The following TALDO1 variants were observed in gnomAD, a reference collection of about 807,000 sequenced individuals.
The protein encoded by TALDO1 is transaldolase.
In TALDO1, 29 loss-of-function variants were observed where a neutral mutation model predicts 38.1. The observed-to-expected ratio is 0.76, with a 90% CI of 0.57 to 1.04. The LOEUF (loss-of-function observed/expected upper bound fraction) is 1.04, where lower values mean the gene tolerates loss of function less well. Among genes scored for constraint, TALDO1 ranks in the 50% least tolerant of loss-of-function variants. The probability of loss-of-function intolerance (pLI) is 0.00; values close to 1 mark genes in which losing one functional copy is unlikely to be tolerated. For synonymous variants in TALDO1, 207 were observed against 176.8 expected (o/e 1.17, Z -1.36); for missense variants, 499 against 438.1 (o/e 1.14, Z -1.24).
At chr11:764,512 A>G (rs1863014645) in intron 7 of TALDO1, 79 bp downstream of exon 7, 3 of 1,569,590 alleles carry the variant, frequency 1.9e-6, no homozygotes, top group Non-Finnish European at 2.6e-6. Flanking sequence ...CAAGCTGGGC[A>G]GAGTTAAAAC....
chr11:751,726 C>T (rs3932434), intron 1 of TALDO1, among the ~76,000 whole-genome samples: 113,691 of 151,946 alleles, frequency 0.75, 43,174 homozygotes, highest in African/African-American at 0.86. Flanking sequence ...ACCTGGAAGA[C>T]GGAGGTTGCA....
chr11:756,053 G>A (rs779521651), intron 2 of TALDO1, 51 bp downstream of exon 2: 2 of 1,585,300 alleles, frequency 1.3e-6, no homozygotes, highest in East Asian at 2.3e-5. Context: ...TGCTAGTCTA[G>A]TTGGCCTTGC....
chr11:757,756 G>C (rs1031406626), intron 2 of TALDO1, among the ~76,000 whole-genome samples: 4 of 152,228 alleles, frequency 2.6e-5, no homozygotes, highest in African/African-American at 4.8e-5. Context: ...AGTGCCAAAA[G>C]ATAGAGGGAT....
chr11:763,636 G>C (rs536435849), intron 5 of TALDO1, 111 bp from the exon 6 acceptor site: 1 of 1,563,232 alleles, frequency 6.4e-7, no homozygotes, highest in Non-Finnish European at 8.8e-7. Flanking sequence ...AGGTCGGCGC[G>C]GGGCAGGCAG....
chr11:763,649 G>T, intron 5 of TALDO1, 98 bp from the exon 6 acceptor site: 2 of 1,567,702 alleles, frequency 1.3e-6, no homozygotes, highest in Admixed American at 3.3e-5. Flanking sequence ...GCAGGCAGGG[G>T]TGGCGGCTCA....
At chr11:753,126 G>T (rs1434949163) in intron 1 of TALDO1, among the ~76,000 whole-genome samples, 2 of 152,164 alleles carry the variant, frequency 1.3e-5, no homozygotes, top group Non-Finnish European at 2.9e-5. Context: ...GGGCGCAGTG[G>T]CTCACGTCTG....
intron 1 of TALDO1, among the ~76,000 whole-genome samples, chr11:750,966 T>A (rs1862740814): frequency 6.6e-6 from 1 of 152,202 alleles, no homozygotes; most frequent in African/African-American, 2.4e-5. Context: ...CTCGTTGGCT[T>A]CTTTGAATTC....
intron 1 of TALDO1, among the ~76,000 whole-genome samples, chr11:755,161 T>TGGG (rs1862811982): frequency 8.9e-6 from 1 of 112,070 alleles, no homozygotes. Context: ...TTTTTTTTTT[T>TGGG]TGAGATGGAG....
At position 763,531 on chromosome 11, in the gene TALDO1, TC is replaced by T; in HGVS notation, c.637+13del. The T allele has an allele frequency of 6.2e-7, 1 of 1,613,098 alleles. No individual in the cohort carries two copies. The highest frequency in any genetic ancestry group is 1.1e-5 in the South Asian group (1 of 91,022). On this transcript the variant is annotated intron_variant, in intron 5 of 7. Transcript: ENST00000319006. The stretch of plus-strand genomic sequence containing the variant: ...CCTGGAAGACCCTGGTGAGGGTCCC[TC>T]TGTGGTAATGGGGTAAGGGGAGCAG...
At chr11:749,954 C>T (rs546591001) in intron 1 of TALDO1, among the ~76,000 whole-genome samples, 30 of 152,250 alleles carry the variant, frequency 2.0e-4, no homozygotes, top group East Asian at 1.9e-4. Context: ...TCCTGTGAAC[C>T]CTTCAACCAC....
intron 1 of TALDO1, among the ~76,000 whole-genome samples, chr11:754,951 T>A (rs981151914): frequency 4.6e-5 from 7 of 152,102 alleles, no homozygotes; most frequent in African/African-American, 1.4e-4. Context: ...AGTCTTTCTA[T>A]GAAACCTAAA....
At position 763,473 on chromosome 11, in the gene TALDO1, T is replaced by C; in HGVS notation, c.591T>C (p.His197=). The C allele has an allele frequency of 1.2e-6, 2 of 1,613,370 alleles. No individual in the cohort carries two copies. Among genetic ancestry groups the C allele is most frequent in the Non-Finnish European group, 1.7e-6 (2 of 1,179,838 alleles). Residue 197 remains histidine, a synonymous_variant, in exon 5 of 8, where the codon CAT becomes CAC. Coordinates refer to ENST00000319006, the MANE Select transcript of TALDO1 (RefSeq NM_006755.2). ...SPFVGRILDW[H]VANTDKKSYE... ...TTGTTGGGCGCATCCTTGATTGGCA[T>C]GTGGCAAACACCGACAAGAAATCCT...
chr11:755,559 C>T (rs966114465), intron 1 of TALDO1, among the ~76,000 whole-genome samples: 13 of 152,192 alleles, frequency 8.5e-5, no homozygotes, highest in Non-Finnish European at 1.5e-4. Context: ...GGTGGTACGG[C>T]AGTGGGATGC....
At position 756,016 on chromosome 11, in the gene TALDO1, C is replaced by T; in HGVS notation, c.221+14C>T. On this transcript the variant is annotated intron_variant, in intron 2 of 7. Transcript: ENST00000319006. ...GAAGCTGGGCGGGTGAGTGCCTGGA[C>T]TCGGGAGGGTCCCAGCTAGGCCCTC... 1.2e-6 allele frequency: 2 copies of T among 1,611,116 alleles called. No individual in the cohort carries two copies. Among genetic ancestry groups the T allele is most frequent in the Non-Finnish European group, 1.7e-6 (2 of 1,179,108 alleles).
At chr11:761,773 C>A (rs1256133400) in intron 4 of TALDO1, among the ~76,000 whole-genome samples, 1 of 152,112 alleles carries the variant, frequency 6.6e-6, no homozygotes, top group African/African-American at 2.4e-5. Flanking sequence ...TGACTCCAGG[C>A]TCAAGCTATC....
intron 4 of TALDO1, among the ~76,000 whole-genome samples, chr11:762,610 C>T (rs973552330): frequency 6.6e-5 from 10 of 152,374 alleles, no homozygotes; most frequent in Admixed American, 1.3e-4. Flanking sequence ...CGAACACCCC[C>T]GTGTGGCCAT....
intron 2 of TALDO1, 102 bp downstream of exon 2, chr11:756,104 C>T: frequency 6.8e-7 from 1 of 1,475,056 alleles, no homozygotes; most frequent in Non-Finnish European, 9.1e-7. Context: ...ACACCATGAA[C>T]TCAAGGGGGG....
rs754163957 is a variant in TALDO1, at chr11:763,339, C to T, written c.462-5C>T. On this transcript the variant is annotated splice_polypyrimidine_tract_variant and splice_region_variant and intron_variant, in intron 4 of 7. Coordinates refer to ENST00000319006, the MANE Select transcript of TALDO1 (RefSeq NM_006755.2). ...GCCCCGCCCTCACCTGTCCCCGCCCCGCAGGGAGCTCGAGGAGCAGCACGG... is the reference window on the plus strand; with the variant it reads ...GCCCCGCCCTCACCTGTCCCCGCCCTGCAGGGAGCTCGAGGAGCAGCACGG... 14 of 1,569,932 alleles carry T rather than the reference C, an allele frequency of 8.9e-6. No homozygotes were observed. Among genetic ancestry groups the T allele is most frequent in the East Asian group, 7.1e-5 (3 of 42,546 alleles).
At chr11:763,197 C>A (rs1862972102) in intron 4 of TALDO1, 147 bp from the exon 5 acceptor site, 1 of 302,618 alleles carries the variant, frequency 3.3e-6, no homozygotes. Context: ...CTGCCCCGCC[C>A]TCACCTGCCC....
Sources: allele counts gnomAD v4.1 joint callset (sites outside exome capture counted in the v4.1 genomes callset), GRCh38; gene constraint gnomAD v4.1.1; transcripts MANE v1.5; gene names NCBI Gene and HGNC (gene_info 2026-07-23, HGNC 2026-07-21).